STON2: variants seen among roughly 807,000 people sequenced by gnomAD.
STON2 encodes the protein stonin-2.
In STON2, 29 loss-of-function variants were observed where a neutral mutation model predicts 65.7. The ratio of observed to expected loss-of-function variants is 0.44; its 90% confidence interval spans 0.33 to 0.60. The LOEUF is 0.60. Ranked by LOEUF, STON2 falls within the 20% of genes least tolerant of loss-of-function variation. STON2 has a pLI of 0.03. For synonymous variants in STON2, 404 were observed against 414.2 expected, an observed-to-expected ratio of 0.98 and a Z score of 0.30; for missense variants, 1,054 against 1,118.1, an observed-to-expected ratio of 0.94 and a Z score of 0.82.
chr14:81,291,902 C>T (rs953655942), intron 5 of STON2, among the ~76,000 whole-genome samples: 6 of 144,986 alleles, frequency 4.1e-5, no homozygotes, highest in Non-Finnish European at 9.0e-5. Flanking sequence ...CACACACACA[C>T]GGATATCACC....
chr14:81,265,645 C>CAGTAATAATAATAATAAT lies in STON2; in HGVS notation c.*2751_*2768dup, dbSNP rs1894326379. On this transcript the variant is annotated 3_prime_UTR_variant, in exon 8 of 8. Coordinates refer to ENST00000614646, the MANE Select transcript of STON2 (RefSeq NM_001394390.1). ...GGGCGACAAGAGCGAAACTTTGTCTCAGTAATAATAATAATAATAATAATA... is the reference window on the plus strand; with the variant it reads ...GGGCGACAAGAGCGAAACTTTGTCTCAGTAATAATAATAATAATAGTAATAATAATAATAATAATAATA... The CAGTAATAATAATAATAAT allele has an allele frequency of 4.5e-6, 1 of 223,884 alleles. No homozygotes were observed. The highest frequency in any genetic ancestry group is 3.0e-5 in the African/African-American group (1 of 32,968). 13.9% of individuals were successfully genotyped at this position (223,884 alleles called of 1,614,324 possible).
At chr14:81,339,950 C>T (rs1042782619) in intron 4 of STON2, among the ~76,000 whole-genome samples, 12 of 151,928 alleles carry the variant, frequency 7.9e-5, no homozygotes, top group Admixed American at 2.6e-4. Flanking sequence ...GTCAGGAGAT[C>T]AAGACCATCC....
At chr14:81,353,890 G>C (rs2140321900) in intron 4 of STON2, among the ~76,000 whole-genome samples, 1 of 152,322 alleles carries the variant, frequency 6.6e-6, no homozygotes, top group African/African-American at 2.4e-5. Flanking sequence ...CTAGCTAACA[G>C]CATAGCCCAC....
intron 4 of STON2, among the ~76,000 whole-genome samples, chr14:81,332,126 G>A (rs892449855): frequency 3.3e-5 from 5 of 152,136 alleles, no homozygotes; most frequent in South Asian, 2.1e-4. Flanking sequence ...ATCATGGCTG[G>A]GGAGCGGTGG....
chr14:81,383,288 T>C (rs116265962), intron 3 of STON2, among the ~76,000 whole-genome samples: 2,337 of 152,276 alleles, frequency 0.015, 69 homozygotes, highest in African/African-American at 0.054. Flanking sequence ...ACCTGTAAAA[T>C]GGAGCTGAAG....
Position 81,263,605 on chromosome 14 carries a change from C to G in STON2, c.*4809G>C, listed in dbSNP as rs1180562126. The G allele has an allele frequency of 3.2e-6, 1 of 308,850 alleles. No individual in the cohort carries two copies. The highest frequency in any genetic ancestry group is 2.3e-5 in the African/African-American group (1 of 43,898). The allele number at this position is 308,850 out of a possible 1,614,324, so 19.1% of individuals were successfully genotyped here. ...TTTTGGCCATGTTTTTAAAGCTCAT[C>G]AGCTGTTGTTACTGTATTTTATGTG... On this transcript the variant is annotated 3_prime_UTR_variant, in exon 8 of 8. Coordinates refer to ENST00000614646, the MANE Select transcript of STON2 (RefSeq NM_001394390.1).
rs374773233 is a variant in STON2, at chr14:81,277,794, T to C, written c.1688A>G (p.Tyr563Cys). The C allele has an allele frequency of 6.2e-7, 1 of 1,614,178 alleles. No individual in the cohort carries two copies. Among genetic ancestry groups the C allele is most frequent in the Non-Finnish European group, 8.5e-7 (1 of 1,180,024 alleles). ...IHSLRIDRVT[Y>C]KEKKKYQPKP... ...GGGCTGGTATTTCTTCTTCTCTTTA[T>C]AGGTGACACGGTCTATCCGCAAGCT... The change falls in exon 6 of 8, where the codon TAT (tyrosine) becomes TGT (cysteine). Residue 563 changes from tyrosine (Y) to cysteine (C), a missense_variant. By Grantham distance (194) the Tyr-to-Cys change is radical. Coordinates refer to ENST00000614646, the MANE Select transcript of STON2 (RefSeq NM_001394390.1).
In STON2 at chr14:81,413,726, G is replaced by A. The variant is rs775663853; in HGVS notation, c.-199+13376C>T. On this transcript the variant is annotated intron_variant, in intron 2 of 8. Transcript: ENST00000553821. The stretch of plus-strand genomic sequence containing the variant: ...CAGGAGAACTGCTTGAACCCGGGAG[G>A]TGGAGGTTGCAGTGGGCAGAGATCA... 1.4e-5 allele frequency among the ~76,000 whole-genome samples: 2 copies of A among 139,224 alleles called. 1 individual carries two copies. The highest frequency in any genetic ancestry group is 5.9e-5 in the African/African-American group (2 of 33,710). 91.3% of individuals were successfully genotyped at this position (139,224 alleles called of 152,430 possible). A position where few individuals can be genotyped will look rare whatever the true frequency, so the allele number is the denominator to read the frequency against.
intron 7 of STON2, chr14:81,269,825 T>A (rs74981344): frequency 5.1e-6 from 5 of 985,452 alleles, no homozygotes; most frequent in Non-Finnish European, 6.0e-6. Context: ...ACTTTCTATT[T>A]ATGTCAGAAA....
intron 5 of STON2, among the ~76,000 whole-genome samples, chr14:81,288,341 T>C (rs543269030): frequency 1.8e-4 from 28 of 152,298 alleles, no homozygotes; most frequent in African/African-American, 6.5e-4. Flanking sequence ...CACACCTAGG[T>C]AGTATATCAT....
At chr14:81,305,741 T>C (rs1392493363) in intron 5 of STON2, among the ~76,000 whole-genome samples, 1 of 152,244 alleles carries the variant, frequency 6.6e-6, no homozygotes, top group Admixed American at 6.5e-5. Context: ...TTTTCCTTTA[T>C]GGTTAGTCCT....
chr14:81,320,664 T>C (rs1453404790), intron 5 of STON2, among the ~76,000 whole-genome samples: 1 of 151,774 alleles, frequency 6.6e-6, no homozygotes, highest in African/African-American at 2.4e-5. Flanking sequence ...AAGCAATCTA[T>C]TTACTCTCAG....
chr14:81,362,709 A>G (rs760104031), intron 4 of STON2, among the ~76,000 whole-genome samples: 2 of 152,236 alleles, frequency 1.3e-5, no homozygotes, highest in Admixed American at 6.5e-5. Context: ...ATTGTTCCAC[A>G]TTGTATTAAA....
At chr14:81,296,889 ACTTT>A (rs1895782056) in intron 5 of STON2, among the ~76,000 whole-genome samples, 1 of 152,180 alleles carries the variant, frequency 6.6e-6, no homozygotes, top group African/African-American at 2.4e-5. Context: ...CCTATCTAAA[ACTTT>A]CTTAAGATTT....
At chr14:81,394,906 A>G (rs1052266419) in intron 3 of STON2, 1 of 152,208 alleles carries the variant, frequency 6.6e-6, no homozygotes, top group African/African-American at 2.4e-5. Context: ...TATGTTGTTC[A>G]AGCCACTACA....
At chr14:81,345,188 G>C (rs1212458846) in intron 4 of STON2, among the ~76,000 whole-genome samples, 1 of 152,162 alleles carries the variant, frequency 6.6e-6, no homozygotes, top group Admixed American at 6.5e-5. Flanking sequence ...CTGAATTGTA[G>C]TTACATAGTA....
At chr14:81,328,581 A>C (rs184113122) in intron 4 of STON2, among the ~76,000 whole-genome samples, 1 of 152,318 alleles carries the variant, frequency 6.6e-6, no homozygotes, top group East Asian at 1.9e-4. Flanking sequence ...TGTGTCCCTC[A>C]AAAGATAGGC....
intron 4 of STON2, among the ~76,000 whole-genome samples, chr14:81,325,765 GAAAAGT>G (rs1317856820): frequency 1.3e-5 from 2 of 152,118 alleles, no homozygotes; most frequent in African/African-American, 4.8e-5. Flanking sequence ...TTAGAGTCAA[GAAAAGT>G]AAAAGTTAGG....
intron 2 of STON2, among the ~76,000 whole-genome samples, chr14:81,407,196 GA>G (rs1279429562): frequency 3.3e-5 from 5 of 152,166 alleles, no homozygotes; most frequent in African/African-American, 1.2e-4. Context: ...AGTATAACCA[GA>G]ACTGGAAGTC....
Sources: allele counts gnomAD v4.1 joint callset (sites outside exome capture counted in the v4.1 genomes callset), GRCh38; gene constraint gnomAD v4.1.1; transcripts MANE v1.5; gene names NCBI Gene and HGNC (gene_info 2026-07-23, HGNC 2026-07-21).